ZC3H3: variants seen among roughly 807,000 people sequenced by gnomAD.
ZC3H3 encodes zinc finger CCCH domain-containing protein 3.
A neutral mutation model predicts 77.3 loss-of-function variants in ZC3H3; 36 were observed. That is an observed-to-expected ratio of 0.47 (90% CI 0.36 to 0.61). The LOEUF (loss-of-function observed/expected upper bound fraction) is 0.61, where lower values mean the gene tolerates loss of function less well. Ranked by LOEUF, ZC3H3 falls within the 20% of genes least tolerant of loss-of-function variation. The pLI is 0.00. For missense variants in ZC3H3, 1,331 were observed against 1,312.2 expected (o/e 1.01, Z -0.22); for synonymous variants, 626 against 555.2 (o/e 1.13, Z -1.79).
At chr8:143,526,916 C>T (rs1037893545) in intron 3 of ZC3H3, among the ~76,000 whole-genome samples, 6 of 152,142 alleles carry the variant, frequency 3.9e-5, no homozygotes, top group Admixed American at 6.5e-5. Context: ...GAAAAGACAC[C>T]GCCAGGAGGC....
intron 3 of ZC3H3, among the ~76,000 whole-genome samples, chr8:143,511,447 T>C (rs1379751221): frequency 2.0e-5 from 3 of 152,198 alleles, no homozygotes; most frequent in Middle Eastern, 3.2e-3. Context: ...AATTTCACAA[T>C]TGGTTAATGA....
intron 5 of ZC3H3, among the ~76,000 whole-genome samples, chr8:143,472,360 CTCT>C (rs1820592003): frequency 6.6e-6 from 1 of 152,244 alleles, no homozygotes; most frequent in African/African-American, 2.4e-5. Flanking sequence ...ACGTCAGGGG[CTCT>C]GCGCCCGCCA....
chr8:143,524,188 C>T (rs1173572116), intron 3 of ZC3H3, among the ~76,000 whole-genome samples: 3 of 152,216 alleles, frequency 2.0e-5, no homozygotes, highest in South Asian at 2.1e-4. Flanking sequence ...GCAACATGGC[C>T]GGCACAGAGC....
At chr8:143,520,458 T>C (rs1822206124) in intron 3 of ZC3H3, among the ~76,000 whole-genome samples, 1 of 152,178 alleles carries the variant, frequency 6.6e-6, no homozygotes. Flanking sequence ...ACAGCCCTGG[T>C]GCTGCTTCGT....
At chr8:143,480,170 G>A (rs1369043973) in intron 4 of ZC3H3, among the ~76,000 whole-genome samples, 1 of 152,198 alleles carries the variant, frequency 6.6e-6, no homozygotes, top group Non-Finnish European at 1.5e-5. Context: ...CAGTGGTGCT[G>A]GGGGCCTGGG....
chr8:143,477,209 G>A (rs1159893712), intron 4 of ZC3H3, among the ~76,000 whole-genome samples: 4 of 152,240 alleles, frequency 2.6e-5, no homozygotes, highest in East Asian at 1.9e-4. Context: ...GAGAGAGCCC[G>A]GTGCCGGGGA....
At position 143,460,296 on chromosome 8, in the gene ZC3H3, C is replaced by A. The variant is rs1563839503; in HGVS notation, c.2307+5421G>T. Reference sequence around the variant, plus strand: ...AATAAATAAATAAATAAATAAAAGGCATCCCAATTGAAAAGGAAGAAGTAA... The same window carrying A: ...AATAAATAAATAAATAAATAAAAGGAATCCCAATTGAAAAGGAAGAAGTAA... On this transcript the variant is annotated intron_variant, in intron 9 of 11. Transcript: ENST00000262577. This position sits in a 1 kb window ranked among gnomAD's most constrained non-coding sequence, Gnocchi z 4.0. Among the ~76,000 whole-genome samples the A allele has an allele frequency of 7.1e-6, 1 of 141,056 alleles. No homozygotes were observed. Among genetic ancestry groups the A allele is most frequent in the Non-Finnish European group, 1.6e-5 (1 of 63,222 alleles). 92.5% of individuals were successfully genotyped at this position (141,056 alleles called of 152,430 possible).
At position 143,541,413 on chromosome 8, in the gene ZC3H3, T is replaced by C. The variant is rs776835187; in HGVS notation, c.9A>G (p.Glu3=). The C allele has an allele frequency of 7.4e-6, 12 of 1,611,840 alleles. No individual in the cohort carries two copies. In the South Asian group the frequency reaches 1.2e-4, roughly 16 times the overall value. ME[E]KEILRRQIRL... is the part of the protein sequence containing the mutation. ...GGATCTGCCGCCGTAATATCTCCTT[T>C]TCCTCCATCTCCCGAGTCCGCGACG... Residue 3 remains glutamate (E), a synonymous_variant, in exon 1 of 12, where the codon GAA becomes GAG. Coordinates refer to ENST00000262577, the MANE Select transcript of ZC3H3 (RefSeq NM_015117.3).
At chr8:143,495,217 C>T (rs1490819469) in intron 4 of ZC3H3, among the ~76,000 whole-genome samples, 1 of 152,210 alleles carries the variant, frequency 6.6e-6, no homozygotes, top group Non-Finnish European at 1.5e-5. Flanking sequence ...AGGAAGGCTC[C>T]CTGGCAAGGA....
At chr8:143,458,985 G>C (rs1246087225) in intron 9 of ZC3H3, among the ~76,000 whole-genome samples, 1 of 151,612 alleles carries the variant, frequency 6.6e-6, no homozygotes, top group African/African-American at 2.4e-5. Flanking sequence ...AAGAAAGAAA[G>C]AAAAGAAAAA....
intron 9 of ZC3H3, among the ~76,000 whole-genome samples, chr8:143,453,375 C>T (rs1166087805): frequency 5.3e-5 from 8 of 152,112 alleles, no homozygotes; most frequent in Non-Finnish European, 1.0e-4. Flanking sequence ...AGGAACGAGT[C>T]ACAGCACCCC....
In ZC3H3 at chr8:143,440,280, T is replaced by C. The variant is rs779684607; in HGVS notation, c.2576A>G (p.His859Arg). 3.2e-6 allele frequency: 5 copies of C among 1,576,272 alleles called. No individual in the cohort carries two copies. Among genetic ancestry groups the C allele is most frequent in the South Asian group, 1.1e-5 (1 of 87,548 alleles). ...LTAAAVAAPP[H>R]CPGGSASPSS... ...GGGAGAGGCTGACCCCCCTGGGCAG[T>C]GGGGAGGTGCAGCCACGGCAGCCGC... The change falls in exon 11 of 12, where the codon CAC (histidine) becomes CGC (arginine). Residue 859 changes from histidine (H) to arginine (R), a missense_variant. This residue lies in a region of ZC3H3 where 249 missense variants were observed against 236.9 expected (regional missense o/e 1.05). Coordinates refer to ENST00000262577, the MANE Select transcript of ZC3H3 (RefSeq NM_015117.3).
chr8:143,516,600 C>T (rs957202116), intron 3 of ZC3H3, among the ~76,000 whole-genome samples: 2 of 151,632 alleles, frequency 1.3e-5, no homozygotes, highest in Admixed American at 6.6e-5. Context: ...TGCACATGCT[C>T]ACCCCACAAC....
rs1822931882 is a variant in ZC3H3 at position 143,539,308 on chromosome 8, T to C, written c.59A>G (p.Asp20Gly). 3.7e-6 allele frequency: 6 copies of C among 1,606,944 alleles called. No homozygotes were observed. Among genetic ancestry groups the C allele is most frequent in the Middle Eastern group, 1.7e-4 (1 of 6,024 alleles). ...GGCATTGCCGTGGAGGGTTTTGTAG[T>C]CATCAATCAGACCTGAGAAGACAGA... ...QIRLLQGLID[D>G]YKTLHGNAPA... The change falls in exon 2 of 12, where the codon GAC becomes GGC. Residue 20 changes from aspartate to glycine, a missense_variant. Around this residue, in one of 3 missense-constraint regions of ZC3H3, gnomAD observed 978 missense variants for 915.5 expected, o/e 1.07. Transcript: ENST00000262577.
intron 9 of ZC3H3, among the ~76,000 whole-genome samples, chr8:143,455,447 G>A (rs1298840715): frequency 6.6e-6 from 1 of 152,162 alleles, no homozygotes; most frequent in Non-Finnish European, 1.5e-5. Flanking sequence ...AGTGGACAGA[G>A]GTTGTGCCAC....
chr8:143,470,053 C>A (rs1018528765), intron 5 of ZC3H3, among the ~76,000 whole-genome samples: 1 of 152,246 alleles, frequency 6.6e-6, no homozygotes, highest in African/African-American at 2.4e-5. Context: ...CTCACTCTCC[C>A]AGATGGCCCA....
intron 3 of ZC3H3, among the ~76,000 whole-genome samples, chr8:143,518,164 G>C (rs1485612300): frequency 1.1e-4 from 16 of 152,226 alleles, no homozygotes; most frequent in Non-Finnish European, 4.4e-5. Context: ...GCCTAGCGCA[G>C]AGTCAGGCTC....
intron 3 of ZC3H3, among the ~76,000 whole-genome samples, chr8:143,524,561 A>G (rs1283328571): frequency 1.3e-5 from 2 of 152,258 alleles, no homozygotes; most frequent in Non-Finnish European, 2.9e-5. Context: ...CGCTAGCAGC[A>G]GGCAAGTCGC....
intron 3 of ZC3H3, among the ~76,000 whole-genome samples, chr8:143,514,039 C>G (rs1821954453): frequency 6.6e-6 from 1 of 152,200 alleles, no homozygotes; most frequent in Admixed American, 6.5e-5. Context: ...GAGTCGCCAC[C>G]TTGGTAGCCT....
Sources: gnomAD v4.1 joint callset for allele counts (sites outside exome capture counted in the v4.1 genomes callset) on GRCh38, gnomAD v4.1.1 for gene constraint, gnomAD v4.1.1 regional missense constraint, Gnocchi (gnomAD v3.1) non-coding constraint, MANE v1.5 for transcripts, NCBI Gene and HGNC (gene_info 2026-07-23, HGNC 2026-07-21) for gene names.